PHF3: variants seen among roughly 807,000 people sequenced by gnomAD.
PHF3 encodes PHD finger protein 3.
PHF3 carries 41 observed loss-of-function variants against 178.4 expected under a neutral mutation model. The ratio of observed to expected loss-of-function variants is 0.23; its 90% confidence interval spans 0.18 to 0.30. The LOEUF (loss-of-function observed/expected upper bound fraction) is 0.30, where lower values mean the gene tolerates loss of function less well. PHF3 is among the 10% of genes least tolerant of loss of function. The pLI is 1.00. For synonymous variants in PHF3, 842 were observed against 800.5 expected, an observed-to-expected ratio of 1.05 and a Z score of -0.88; for missense variants, 2,346 against 2,398.1, an observed-to-expected ratio of 0.98 and a Z score of 0.45.
In PHF3 at chr6:63,643,079, A is replaced by T. The variant is rs191019250; in HGVS notation, c.-25-3448A>T. ...TATTATTATTGGTGTATTACCAATG[A>T]TAATGGTAAATTACAGACTTTATTC... On this transcript the variant is annotated intron_variant, in intron 1 of 15. Transcript: ENST00000262043. Among the ~76,000 whole-genome samples the T allele has an allele frequency of 3.3e-5, 5 of 152,156 alleles. No individual in the cohort carries two copies. The South Asian group carries it at 6.2e-4, about 19-fold the overall frequency.
chr6:63,670,748 T>G (rs1408641432), intron 2 of PHF3, among the ~76,000 whole-genome samples: 1 of 152,202 alleles, frequency 6.6e-6, no homozygotes, highest in Non-Finnish European at 1.5e-5. Context: ...TATTTTATGT[T>G]CCAGCTGCTG....
intron 8 of PHF3, among the ~76,000 whole-genome samples, chr6:63,699,137 T>C (rs1302390326): frequency 6.6e-6 from 1 of 152,206 alleles, no homozygotes; most frequent in East Asian, 1.9e-4. Flanking sequence ...TAATTTTTTC[T>C]TGGGATTTCA....
rs1768246942 is a variant in PHF3 at position 63,718,200 on chromosome 6, T to G, written c.*4492T>G. On this transcript the variant is annotated 3_prime_UTR_variant, in exon 16 of 16. Transcript: ENST00000262043. ...TCTGCCTATTCTGCAAGCACAATTT[T>G]CTGCGTTTGGAATTCAATGATGAGC... Among the ~76,000 whole-genome samples the G allele has an allele frequency of 6.6e-6, 1 of 152,068 alleles. No homozygotes were observed. The highest frequency in any genetic ancestry group is 1.5e-5 in the Non-Finnish European group (1 of 67,956).
At position 63,721,123 on chromosome 6, in the gene PHF3, G is replaced by T; in HGVS notation, c.*7415G>T. 6.4e-7 allele frequency: 1 copy of T among 1,551,294 alleles called. No individual in the cohort carries two copies. Among genetic ancestry groups the T allele is most frequent in the Non-Finnish European group, 8.7e-7 (1 of 1,146,700 alleles). ...TGGAGGTTTCTCATTCTATAATTTG[G>T]ATCAATGTATTTAATGTAAGAATTA... On this transcript the variant is annotated 3_prime_UTR_variant, in exon 16 of 16. Transcript: ENST00000262043.
In PHF3 at chr6:63,685,528, T is replaced by C; in HGVS notation, c.1806T>C (p.Ala602=). The C allele has an allele frequency of 1.2e-6, 2 of 1,614,098 alleles. No individual in the cohort carries two copies. Among genetic ancestry groups the C allele is most frequent in the Non-Finnish European group, 1.7e-6 (2 of 1,180,030 alleles). ...LTHSLSDKSH[A]HPGCLKEPHH... ...ATTCTTTGAGTGATAAGTCACACGCTCATCCTGGTTGCTTGAAAGAACCTC... is the reference window on the plus strand; with the variant it reads ...ATTCTTTGAGTGATAAGTCACACGCCCATCCTGGTTGCTTGAAAGAACCTC... Residue 602 remains alanine, a synonymous_variant, in exon 4 of 16, where the codon GCT becomes GCC. Transcript: ENST00000262043.
At position 63,686,939 on chromosome 6, in the gene PHF3, T is replaced by C. The variant is rs1005822473; in HGVS notation, c.2189+1028T>C. ...GAGATCGGAAAGGAGATGTTGGGGCTATTGTGTAAAATAAGTTTTATGTCA... is the reference window on the plus strand; with the variant it reads ...GAGATCGGAAAGGAGATGTTGGGGCCATTGTGTAAAATAAGTTTTATGTCA... On this transcript the variant is annotated intron_variant, in intron 4 of 15. Coordinates refer to ENST00000262043, the MANE Select transcript of PHF3 (RefSeq NM_001370348.2). Among the ~76,000 whole-genome samples the C allele has an allele frequency of 2.6e-5, 4 of 152,302 alleles. No individual in the cohort carries two copies. In the South Asian group the frequency reaches 8.3e-4, roughly 32 times the overall value.
At chr6:63,636,704 A>G (rs916928775) in intron 1 of PHF3, 1 of 152,144 alleles carries the variant, frequency 6.6e-6, no homozygotes, top group Non-Finnish European at 1.5e-5. Flanking sequence ...TCCTCCAGTT[A>G]CCGCGCGCTT....
At chr6:63,655,223 C>G (rs913864480) in intron 2 of PHF3, among the ~76,000 whole-genome samples, 1 of 152,024 alleles carries the variant, frequency 6.6e-6, no homozygotes, top group African/African-American at 2.4e-5. Flanking sequence ...ACCACCATGC[C>G]CGCCACCATG....
At chr6:63,662,490 A>G (rs748633948) in intron 2 of PHF3, among the ~76,000 whole-genome samples, 2 of 152,130 alleles carry the variant, frequency 1.3e-5, no homozygotes, top group African/African-American at 4.8e-5. Context: ...CATTTTTACT[A>G]TAGTTGCTGC....
Position 63,638,948 on chromosome 6 carries a change from T to C in PHF3, c.-26+2798T>C, listed in dbSNP as rs370408682. On this transcript the variant is annotated intron_variant, in intron 1 of 15. Transcript: ENST00000262043. The stretch of plus-strand genomic sequence containing the variant: ...ATGTGATTAAACATACATGAGACCC[T>C]GAGGCTGTTTCTATTCTCAGTAAAG... Among the ~76,000 whole-genome samples, 37 of 152,280 alleles carry C rather than the reference T, an allele frequency of 2.4e-4. No homozygotes were observed. In the East Asian group the frequency reaches 5.2e-3, roughly 21 times the overall value.
rs939896071 is a variant in PHF3 at position 63,694,653 on chromosome 6, C to T, written c.2569C>T (p.Arg857Cys). ...EIKKWQLAPL[R>C]KMGQPVLPRR... ...TAAAAAATGGCAGCTAGCTCCTCTT[C>T]GTAAGATGGGACAACCAGTTTTACC... Residue 857 changes from arginine to cysteine, a missense_variant, in exon 6 of 16, where the codon CGT becomes TGT. Coordinates refer to ENST00000262043, the MANE Select transcript of PHF3 (RefSeq NM_001370348.2). 13 of 1,592,038 alleles carry T rather than the reference C, an allele frequency of 8.2e-6. No homozygotes were observed. Among genetic ancestry groups the T allele is most frequent in the Admixed American group, 1.7e-5 (1 of 57,806 alleles).
In PHF3 at chr6:63,702,602, C is replaced by T. The variant is rs1268871643; in HGVS notation, c.3194C>T (p.Ala1065Val). ...HKGEIEIESDAPMKEQEAAME... is the reference protein window; with the variant it reads ...HKGEIEIESDVPMKEQEAAME... ...GGTGAAATAGAAATTGAGAGTGATG[C>T]CCCAATGAAAGAACAGGAAGCAGCC... Residue 1065 changes from alanine (A) to valine (V), a missense_variant, in exon 10 of 16, where the codon GCC becomes GTC. This residue lies in a region of PHF3 where 205 missense variants were observed against 212.4 expected (regional missense o/e 0.97). Transcript: ENST00000262043. 6.2e-7 allele frequency: 1 copy of T among 1,612,604 alleles called. No homozygotes were observed. Among genetic ancestry groups the T allele is most frequent in the Admixed American group, 1.7e-5 (1 of 59,994 alleles).
rs566134966 is a variant in PHF3 at position 63,671,763 on chromosome 6, T to C, written c.245-8237T>C. ...ACAGTTGTTTTGTTTTGTTTTGTTT[T>C]TGAGACGGAGTCGTCCTCTGTCGCC... On this transcript the variant is annotated intron_variant, in intron 2 of 15. Transcript: ENST00000262043. Among the ~76,000 whole-genome samples the C allele has an allele frequency of 2.4e-4, 36 of 152,350 alleles. 1 individual carries two copies. In the South Asian group the frequency reaches 7.5e-3, roughly 32 times the overall value.
In PHF3 at chr6:63,712,931, C is replaced by CCAGGCCA; in HGVS notation, c.5343_5344insCAGGCCA (p.Phe1782GlnfsTer32). On this transcript the variant is annotated frameshift_variant, in exon 16 of 16. Coordinates refer to ENST00000262043, the MANE Select transcript of PHF3 (RefSeq NM_001370348.2). LOFTEE classifies it high-confidence loss of function. ...CAGAATTTCCTTCTAAAAGCATCAC[C>CCAGGCCA]TTTACTTCCAGAAGCACCAGCCCCA... The CCAGGCCA allele has an allele frequency of 1.2e-6, 2 of 1,614,016 alleles. No homozygotes were observed. Among genetic ancestry groups the CCAGGCCA allele is most frequent in the Non-Finnish European group, 1.7e-6 (2 of 1,179,954 alleles).
At position 63,717,654 on chromosome 6, in the gene PHF3, A is replaced by C. The variant is rs1768230414; in HGVS notation, c.*3946A>C. ...GATGCAGAGCAGAGTCATTGAGGGA[A>C]ATAGCCTAAGCACTCAAAGGGCAGT... On this transcript the variant is annotated 3_prime_UTR_variant, in exon 16 of 16. Transcript: ENST00000262043. Among the ~76,000 whole-genome samples the C allele has an allele frequency of 6.6e-6, 1 of 152,004 alleles. No homozygotes were observed. Among genetic ancestry groups the C allele is most frequent in the African/African-American group, 2.4e-5 (1 of 41,432 alleles).
Position 63,713,825 on chromosome 6 carries a change from AT to A in PHF3, c.*120del, listed in dbSNP as rs543483748. On this transcript the variant is annotated 3_prime_UTR_variant, in exon 16 of 16. Transcript: ENST00000262043. ...ATCTTTAAAATTTTTACTATTGGTC[AT>A]TTGCAGAACAGTAAATTCTGTGTGT... 3.3e-4 allele frequency: 272 copies of A among 819,742 alleles called. 7 individuals carry two copies. In the South Asian group the frequency reaches 5.1e-3, roughly 15 times the overall value. The allele number at this position is 819,742 out of a possible 1,614,324, so 50.8% of individuals were successfully genotyped here.
chr6:63,654,166 A>G (rs760204128), intron 2 of PHF3, among the ~76,000 whole-genome samples: 2 of 152,110 alleles, frequency 1.3e-5, no homozygotes, highest in Non-Finnish European at 2.9e-5. Context: ...CTCCTCTTCA[A>G]TTTTCTGGAA....
intron 2 of PHF3, among the ~76,000 whole-genome samples, chr6:63,653,175 G>A (rs1022345440): frequency 1.4e-5 from 2 of 142,080 alleles, no homozygotes; most frequent in Admixed American, 1.4e-4. Flanking sequence ...TTGTGGTTCT[G>A]TGTATTGTTT....
At chr6:63,688,594 C>G (rs1167830663) in intron 4 of PHF3, among the ~76,000 whole-genome samples, 1 of 151,870 alleles carries the variant, frequency 6.6e-6, no homozygotes, top group East Asian at 2.0e-4. Flanking sequence ...CTCAGCCTCC[C>G]AAAGTGCTGG....
Sources: gnomAD v4.1 joint callset for allele counts (sites outside exome capture counted in the v4.1 genomes callset) on GRCh38, gnomAD v4.1.1 for gene constraint, gnomAD v4.1.1 regional missense constraint, MANE v1.5 for transcripts, NCBI Gene and HGNC (gene_info 2026-07-23, HGNC 2026-07-21) for gene names.